NCK2: variants seen among roughly 807,000 people sequenced by gnomAD.
The protein encoded by NCK2 is NCK adaptor protein 2.
A neutral mutation model predicts 33.9 loss-of-function variants in NCK2; 16 were observed. The ratio of observed to expected loss-of-function variants is 0.47; its 90% CI spans 0.32 to 0.72. The LOEUF is 0.72. NCK2 is among the 30% of genes least tolerant of loss of function. The probability of loss-of-function intolerance (pLI) is 0.03; values close to 1 mark genes in which losing one functional copy is unlikely to be tolerated. For synonymous variants in NCK2, 273 were observed against 239.9 expected, an observed-to-expected ratio of 1.14 and a Z score of -1.27; for missense variants, 418 against 537.3, an observed-to-expected ratio of 0.78 and a Z score of 2.19.
intron 2 of NCK2, among the ~76,000 whole-genome samples, chr2:105,829,183 A>T (rs932578983): frequency 6.6e-6 from 1 of 152,100 alleles, no homozygotes; most frequent in African/African-American, 2.4e-5. Flanking sequence ...GGTGTCATTT[A>T]TGTACTTTTG....
At chr2:105,803,248 T>C (rs1335461180) in intron 1 of NCK2, among the ~76,000 whole-genome samples, 1 of 152,206 alleles carries the variant, frequency 6.6e-6, no homozygotes, top group Non-Finnish European at 1.5e-5. Context: ...ATATTTTAGA[T>C]AGCACACATG....
At chr2:105,853,481 T>C (rs1160940800) in intron 2 of NCK2, among the ~76,000 whole-genome samples, 1 of 152,242 alleles carries the variant, frequency 6.6e-6, no homozygotes, top group Non-Finnish European at 1.5e-5. Context: ...TCCGCCATTA[T>C]AGTATTGAGC....
intron 1 of NCK2, among the ~76,000 whole-genome samples, chr2:105,806,945 G>A (rs1299509944): frequency 2.0e-5 from 3 of 152,166 alleles, no homozygotes; most frequent in South Asian, 2.1e-4. Context: ...TGGTCATGGG[G>A]TGATCTTAGT....
intron 2 of NCK2, among the ~76,000 whole-genome samples, chr2:105,834,353 G>A (rs1421866634): frequency 6.6e-6 from 1 of 152,122 alleles, no homozygotes; most frequent in African/African-American, 2.4e-5. Flanking sequence ...CAATTGTTAT[G>A]TCTTTTTGAA....
chr2:105,851,299 T>G (rs1677057017), intron 2 of NCK2, among the ~76,000 whole-genome samples: 1 of 151,156 alleles, frequency 6.6e-6, no homozygotes, highest in Non-Finnish European at 1.5e-5. Context: ...AGTCTCGCTC[T>G]GTCGCCTAGG....
intron 1 of NCK2, among the ~76,000 whole-genome samples, chr2:105,810,616 G>A (rs1232426290): frequency 6.6e-6 from 1 of 152,194 alleles, no homozygotes; most frequent in Non-Finnish European, 1.5e-5. Flanking sequence ...AAATTGTCTA[G>A]TTATGGCACT....
chr2:105,778,424 C>T (rs139424037), intron 1 of NCK2, among the ~76,000 whole-genome samples: 2,880 of 152,264 alleles, frequency 0.019, 53 homozygotes, highest in Non-Finnish European at 0.022. Context: ...TCCTCTGTGG[C>T]GTGGGAAGTG....
chr2:105,748,820 T>C (rs1046690684), intron 1 of NCK2, among the ~76,000 whole-genome samples: 3 of 152,110 alleles, frequency 2.0e-5, no homozygotes, highest in African/African-American at 7.2e-5. Context: ...CAAATACTTA[T>C]TGAATATGTG....
intron 1 of NCK2, among the ~76,000 whole-genome samples, chr2:105,756,080 A>C (rs1432554244): frequency 1.2e-4 from 18 of 152,186 alleles, no homozygotes; most frequent in Non-Finnish European, 1.3e-4. Flanking sequence ...TTGCTGTCTG[A>C]ATGTTCTTTT....
At chr2:105,751,313 G>C (rs552812791) in intron 1 of NCK2, among the ~76,000 whole-genome samples, 1 of 152,220 alleles carries the variant, frequency 6.6e-6, no homozygotes, top group South Asian at 2.1e-4. Context: ...TAACATCTCA[G>C]CCCTGCTGTC....
At chr2:105,792,422 A>C (rs914768629) in intron 1 of NCK2, among the ~76,000 whole-genome samples, 3 of 152,190 alleles carry the variant, frequency 2.0e-5, no homozygotes, top group African/African-American at 7.2e-5. Flanking sequence ...TCCAGACATC[A>C]ATTCCTGTCC....
chr2:105,772,649 A>G (rs926200086), intron 1 of NCK2, among the ~76,000 whole-genome samples: 3 of 152,124 alleles, frequency 2.0e-5, no homozygotes, highest in Admixed American at 6.6e-5. Flanking sequence ...GAATAAGTCA[A>G]TGACAAAAAC....
chr2:105,825,120 T>C (rs915199745), intron 2 of NCK2, among the ~76,000 whole-genome samples: 7 of 152,120 alleles, frequency 4.6e-5, no homozygotes, highest in African/African-American at 1.7e-4. Flanking sequence ...CTCCAGGCTT[T>C]GGAGCTCTGT....
At chr2:105,892,584 C>G (rs562277590) in intron 4 of NCK2, among the ~76,000 whole-genome samples, 2 of 127,946 alleles carry the variant, frequency 1.6e-5, no homozygotes, top group East Asian at 4.5e-4. Context: ...GCCTGTAATC[C>G]GAGCAATTTG....
intron 1 of NCK2, among the ~76,000 whole-genome samples, chr2:105,774,729 A>G (rs1315349955): frequency 1.3e-5 from 2 of 152,098 alleles, no homozygotes; most frequent in Non-Finnish European, 2.9e-5. Context: ...TCTGTGTTCC[A>G]CAAGTACACT....
intron 1 of NCK2, among the ~76,000 whole-genome samples, chr2:105,798,426 C>T (rs1000556288): frequency 6.6e-6 from 1 of 152,128 alleles, no homozygotes; most frequent in African/African-American, 2.4e-5. Context: ...GATCTGTCCA[C>T]AAGTCTAGCT....
intron 1 of NCK2, among the ~76,000 whole-genome samples, chr2:105,803,087 A>T (rs1674901953): frequency 6.6e-6 from 1 of 152,112 alleles, no homozygotes; most frequent in African/African-American, 2.4e-5. Flanking sequence ...TAGAGAAGAG[A>T]TTATAGTTCC....
At position 105,881,806 on chromosome 2, in the gene NCK2, G is replaced by A; in HGVS notation, c.705G>A (p.Trp235Ter). 1 of 1,609,368 alleles carries A rather than the reference G, an allele frequency of 6.2e-7. No homozygotes were observed. The highest frequency in any genetic ancestry group is 8.5e-7 in the Non-Finnish European group (1 of 1,178,062). Residue 235 changes from tryptophan to a stop codon, truncating the protein, a stop_gained, in exon 4 of 5, where the codon TGG becomes TGA. Transcript: ENST00000233154. LOFTEE classifies it high-confidence loss of function. Reference sequence around the variant, plus strand: ...AGCCGGAGAACGACCCCGAGTGGTGGAAATGCAAAAATGCCCGGGGCCAGG... The same window carrying A: ...AGCCGGAGAACGACCCCGAGTGGTGAAAATGCAAAAATGCCCGGGGCCAGG... ...IEKPENDPEWWKCKNARGQVG... is the reference protein window; with the variant it reads ...IEKPENDPEW
intron 1 of NCK2, among the ~76,000 whole-genome samples, chr2:105,780,868 T>C (rs767242647): frequency 3.2e-4 from 48 of 152,252 alleles, no homozygotes; most frequent in Admixed American, 1.7e-3. Flanking sequence ...TACTTTGATC[T>C]TGGACTTCCA....
Sources: gnomAD v4.1 joint callset for allele counts (sites outside exome capture counted in the v4.1 genomes callset) on GRCh38, gnomAD v4.1.1 for gene constraint, MANE v1.5 for transcripts, NCBI Gene and HGNC (gene_info 2026-07-23, HGNC 2026-07-21) for gene names.